The following OR51A4 variants were observed in gnomAD, a reference collection of about 807,000 sequenced individuals.
The protein encoded by OR51A4 is olfactory receptor family 51 subfamily A member 4, also known as olfactory receptor 51A4.
For missense variants in OR51A4, 243 were observed against 364.0 expected, an observed-to-expected ratio of 0.67 and a Z score of 2.70; for synonymous variants, 96 against 141.5, an observed-to-expected ratio of 0.68 and a Z score of 2.28.
At position 4,944,005 on chromosome 11, in the gene OR51A4, A is replaced by T. The variant is rs1846256622; in HGVS notation, c.*2154T>A. On this transcript the variant is annotated 3_prime_UTR_variant, in exon 2 of 2. Coordinates refer to ENST00000641898, the MANE Select transcript of OR51A4 (RefSeq NM_001005329.2). ...ATGAAGTCTTCATATTGGGCTGCCT[A>T]TCCGCACACTGGGAGAATATGAGCT... 2.4e-6 allele frequency: 1 copy of T among 421,064 alleles called. No individual in the cohort carries two copies. The highest frequency in any genetic ancestry group is 1.7e-5 in the South Asian group (1 of 57,178). The allele number at this position is 421,064 out of a possible 1,614,324, so 26.1% of individuals were successfully genotyped here.
Position 4,946,105 on chromosome 11 carries a change from A to G in OR51A4, c.*54T>C. 6.6e-7 allele frequency: 1 copy of G among 1,509,562 alleles called. No individual in the cohort carries two copies. The highest frequency in any genetic ancestry group is 1.2e-5 in the South Asian group (1 of 84,388). 93.5% of individuals were successfully genotyped at this position (1,509,562 alleles called of 1,614,324 possible). A position where few individuals can be genotyped will look rare whatever the true frequency, so the allele number is the denominator to read the frequency against. On this transcript the variant is annotated 3_prime_UTR_variant, in exon 2 of 2. Transcript: ENST00000641898. The stretch of plus-strand genomic sequence containing the variant: ...TGGTGTCAAATATTAGGTTTCTCAA[A>G]TTTACCTTAAATATCTTACCAGACA...
chr11:4,946,874 G>A lies in OR51A4; in HGVS notation c.227C>T (p.Ser76Phe), dbSNP rs750709958. 5 of 1,605,790 alleles carry A rather than the reference G, an allele frequency of 3.1e-6. No individual in the cohort carries two copies. Among genetic ancestry groups the A allele is most frequent in the Non-Finnish European group, 4.3e-6 (5 of 1,175,846 alleles). Residue 76 changes from serine to phenylalanine, a missense_variant, in exon 2 of 2, where the codon TCT becomes TTT. By Grantham distance (155) the Ser-to-Phe change is radical (BLOSUM62 -2). Transcript: ENST00000641898. ...TAACACAGTGGGCAGAGATGATAAAGACAAACCCAAGTCTGACATAGCCAA... is the reference window on the plus strand; with the variant it reads ...TAACACAGTGGGCAGAGATGATAAAAACAAACCCAAGTCTGACATAGCCAA... ...SMLAMSDLGL[S>F]LSSLPTVLSI...
rs934362513 is a variant in OR51A4, at chr11:4,943,167, G to A, written c.*2992C>T. 4 of 190,094 alleles carry A rather than the reference G, an allele frequency of 2.1e-5. No homozygotes were observed. The highest frequency in any genetic ancestry group is 9.9e-5 in the South Asian group (1 of 10,140). 11.8% of individuals were successfully genotyped at this position (190,094 alleles called of 1,614,324 possible). A position where few individuals can be genotyped will look rare whatever the true frequency, so the allele number is the denominator to read the frequency against. ...CACAAACCTCTCACAAATGACCAAT[G>A]TCCAATAGAAAAACAAAATGAAACA... is the stretch of plus-strand genomic sequence containing the variant. On this transcript the variant is annotated 3_prime_UTR_variant, in exon 2 of 2. Transcript: ENST00000641898.
At chr11:4,947,313 A>G (rs888584136) in intron 1 of OR51A4, among the ~76,000 whole-genome samples, 151 bp from the exon 2 acceptor site, 1 of 125,316 alleles carries the variant, frequency 8.0e-6, no homozygotes, top group African/African-American at 2.7e-5. Context: ...TACATTGGAA[A>G]AATTATTTCT....
At position 4,944,259 on chromosome 11, in the gene OR51A4, A is replaced by G. The variant is rs1846260919; in HGVS notation, c.*1900T>C. On this transcript the variant is annotated 3_prime_UTR_variant, in exon 2 of 2. Coordinates refer to ENST00000641898, the MANE Select transcript of OR51A4 (RefSeq NM_001005329.2). ...TAAAAACTAAAATGTATTCAAGATAATACTATCCTGGAGCATCAGAGATTA... is the reference window on the plus strand; with the variant it reads ...TAAAAACTAAAATGTATTCAAGATAGTACTATCCTGGAGCATCAGAGATTA... The G allele has an allele frequency of 3.3e-6, 1 of 307,252 alleles. No individual in the cohort carries two copies. Among genetic ancestry groups the G allele is most frequent in the Non-Finnish European group, 6.3e-6 (1 of 159,052 alleles). 19.0% of individuals were successfully genotyped at this position (307,252 alleles called of 1,614,324 possible).
In OR51A4 at chr11:4,944,726, C is replaced by T. The variant is rs1437372599; in HGVS notation, c.*1433G>A. 6.6e-6 allele frequency: 1 copy of T among 151,266 alleles called. No individual in the cohort carries two copies. Among genetic ancestry groups the T allele is most frequent in the Non-Finnish European group, 1.5e-5 (1 of 67,900 alleles). 9.4% of individuals were successfully genotyped at this position (151,266 alleles called of 1,614,324 possible). On this transcript the variant is annotated 3_prime_UTR_variant, in exon 2 of 2. Transcript: ENST00000641898. ...GGTCATATTAGGAAGGAAAGTTGGACAATTTTTCAGCCACAAATCCAAGGC... is the reference window on the plus strand; with the variant it reads ...GGTCATATTAGGAAGGAAAGTTGGATAATTTTTCAGCCACAAATCCAAGGC...
In OR51A4 at chr11:4,945,280, C is replaced by G. The variant is rs568654584; in HGVS notation, c.*879G>C. The G allele has an allele frequency of 6.6e-6, 1 of 152,186 alleles. No homozygotes were observed. Among genetic ancestry groups the G allele is most frequent in the South Asian group, 2.1e-4 (1 of 4,820 alleles). The allele number at this position is 152,186 out of a possible 1,614,324, so 9.4% of individuals were successfully genotyped here. Reference sequence around the variant, plus strand: ...GAAATGCATTATACAAAATTGGAGTCAAGAGCATTTTAACAAAAGAGATCT... The same window carrying G: ...GAAATGCATTATACAAAATTGGAGTGAAGAGCATTTTAACAAAAGAGATCT... On this transcript the variant is annotated 3_prime_UTR_variant, in exon 2 of 2. Transcript: ENST00000641898.
At position 4,945,841 on chromosome 11, in the gene OR51A4, T is replaced by C. The variant is rs144652889; in HGVS notation, c.*318A>G. 668 of 361,780 alleles carry C rather than the reference T, an allele frequency of 1.8e-3. 2 individuals are homozygous for C. Among genetic ancestry groups the C allele is most frequent in the African/African-American group, 8.7e-3 (416 of 47,770 alleles). The allele number at this position is 361,780 out of a possible 1,614,324, so 22.4% of individuals were successfully genotyped here. On this transcript the variant is annotated 3_prime_UTR_variant, in exon 2 of 2. Coordinates refer to ENST00000641898, the MANE Select transcript of OR51A4 (RefSeq NM_001005329.2). ...AAAGAACTTGGTATAAGAGATTGAA[T>C]GTAGATAATGAGAAATCCAACTTCT...
Position 4,942,851 on chromosome 11 carries a change from C to T in OR51A4, c.*3308G>A, listed in dbSNP as rs1035949870. Reference sequence around the variant, plus strand: ...ATGTATGGGGACTCAAATTCTCAAGCAAGAATAACACATTCAATTAAATGG... The same window carrying T: ...ATGTATGGGGACTCAAATTCTCAAGTAAGAATAACACATTCAATTAAATGG... On this transcript the variant is annotated 3_prime_UTR_variant, in exon 2 of 2. Transcript: ENST00000641898. 1.3e-5 allele frequency: 2 copies of T among 152,108 alleles called. No individual in the cohort carries two copies. Among genetic ancestry groups the T allele is most frequent in the African/African-American group, 4.8e-5 (2 of 41,398 alleles). The allele number at this position is 152,108 out of a possible 1,614,324, so 9.4% of individuals were successfully genotyped here.
rs1846303224 is a variant in OR51A4, at chr11:4,946,325, A to T, written c.776T>A (p.Leu259Gln). The T allele has an allele frequency of 6.2e-7, 1 of 1,613,894 alleles. No homozygotes were observed. Among genetic ancestry groups the T allele is most frequent in the Non-Finnish European group, 8.5e-7 (1 of 1,179,984 alleles). ...VIIFYLPIINLAVVHRFARHV... is the reference protein window; with the variant it reads ...VIIFYLPIINQAVVHRFARHV... ...CCGGGCAAAGCGGTGGACAACGGCC[A>T]GGTTGATGATGGGCAGGTAGAAGAT... Residue 259 changes from leucine (L) to glutamine (Q), a missense_variant, in exon 2 of 2, where the codon CTG (leucine) becomes CAG (glutamine). Coordinates refer to ENST00000641898, the MANE Select transcript of OR51A4 (RefSeq NM_001005329.2).
In OR51A4 at chr11:4,946,432, G is replaced by C. The variant is rs777300381; in HGVS notation, c.669C>G (p.Leu223=). 1 of 1,609,944 alleles carries C rather than the reference G, an allele frequency of 6.2e-7. No individual in the cohort carries two copies. The highest frequency in any genetic ancestry group is 2.2e-5 in the East Asian group (1 of 44,872). The change falls in exon 2 of 2, where the codon CTC becomes CTG. Residue 223 remains leucine, a synonymous_variant. Transcript: ENST00000641898. ...TGGATGCAATTCCCAGTACAGTCTT[G>C]AGGATCAGGGTGTAAGACACAGCAA... is the stretch of plus-strand genomic sequence containing the variant. The part of the protein sequence containing the change: ...ILIAVSYTLI[L]KTVLGIASKK...
Position 4,945,234 on chromosome 11 carries a change from CA to C in OR51A4, c.*924del, listed in dbSNP as rs1269315438. 1.3e-5 allele frequency: 2 copies of C among 151,696 alleles called. No individual in the cohort carries two copies. Among genetic ancestry groups the C allele is most frequent in the Non-Finnish European group, 1.5e-5 (1 of 67,884 alleles). 9.4% of individuals were successfully genotyped at this position (151,696 alleles called of 1,614,324 possible). On this transcript the variant is annotated 3_prime_UTR_variant, in exon 2 of 2. Coordinates refer to ENST00000641898, the MANE Select transcript of OR51A4 (RefSeq NM_001005329.2). ...TAGGTAATCTATGAGGAAATTAAGC[CA>C]AAATTTAAAGAAAAAAATAGAAATG...
At position 4,946,384 on chromosome 11, in the gene OR51A4, G is replaced by C. The variant is rs774481902; in HGVS notation, c.717C>G (p.Leu239=). Residue 239 remains leucine, a synonymous_variant, in exon 2 of 2, where the codon CTC becomes CTG. Coordinates refer to ENST00000641898, the MANE Select transcript of OR51A4 (RefSeq NM_001005329.2). The part of the protein sequence containing the change: ...IASKKEQLKA[L]NTCVSHICAV... ...CACAGATGTGTGAAACACAAGTATTGAGAGCCTTAAGCTGCTCCTTTTTGG... is the reference window on the plus strand; with the variant it reads ...CACAGATGTGTGAAACACAAGTATTCAGAGCCTTAAGCTGCTCCTTTTTGG... 6 of 1,613,468 alleles carry C rather than the reference G, an allele frequency of 3.7e-6. No individual in the cohort carries two copies. The East Asian group carries it at 1.3e-4, about 36-fold the overall frequency.
At position 4,943,968 on chromosome 11, in the gene OR51A4, T is replaced by C; in HGVS notation, c.*2191A>G. 2.4e-6 allele frequency: 1 copy of C among 409,020 alleles called. No homozygotes were observed. Among genetic ancestry groups the C allele is most frequent in the Non-Finnish European group, 4.8e-6 (1 of 206,372 alleles). 25.3% of individuals were successfully genotyped at this position (409,020 alleles called of 1,614,324 possible). ...TAAAGCCACCTAATTACTCCTCATCTTTTTAGTGGAAATGAAGTCTTCATA... is the reference window on the plus strand; with the variant it reads ...TAAAGCCACCTAATTACTCCTCATCCTTTTAGTGGAAATGAAGTCTTCATA... On this transcript the variant is annotated 3_prime_UTR_variant, in exon 2 of 2. Transcript: ENST00000641898.
chr11:4,946,175 C>T lies in OR51A4; in HGVS notation c.926G>A (p.Cys309Tyr). 1 of 1,613,888 alleles carries T rather than the reference C, an allele frequency of 6.2e-7. No homozygotes were observed. ...QIRVRVVAKL[C>Y]QRKI is the part of the protein sequence containing the mutation. ...ATATGACTGTTAAATCTTCCGTTGA[C>T]ACAATTTTGCTACAACTCTCACTCT... The change falls in exon 2 of 2, where the codon TGT becomes TAT. Residue 309 changes from cysteine to tyrosine, a missense_variant. Physicochemically the swap from Cys to Tyr is radical, Grantham distance 194. Transcript: ENST00000641898.
rs1846331975 is a variant in OR51A4 at position 4,947,596 on chromosome 11, A to G, written c.-114T>C. ...TTTTGATAAAAGCTAAATAATTCTG[A>G]TATACAAACCCAAGGTATTGTTGAA... On this transcript the variant is annotated 5_prime_UTR_variant, in exon 1 of 2. Transcript: ENST00000641898. The G allele has an allele frequency of 7.8e-6, 1 of 128,198 alleles. No homozygotes were observed. The highest frequency in any genetic ancestry group is 2.7e-5 in the African/African-American group (1 of 36,918). The allele number at this position is 128,198 out of a possible 1,614,324, so 7.9% of individuals were successfully genotyped here.
rs1275100173 is a variant in OR51A4, at chr11:4,945,352, G to C, written c.*807C>G. ...AAAGAGCTCTGTAAATTCAAAAACT[G>C]TTCAGTAGGTTGATGTGGCTGGAGA... On this transcript the variant is annotated 3_prime_UTR_variant, in exon 2 of 2. Transcript: ENST00000641898. 1 of 152,172 alleles carries C rather than the reference G, an allele frequency of 6.6e-6. No homozygotes were observed. The highest frequency in any genetic ancestry group is 2.4e-5 in the African/African-American group (1 of 41,454). 9.4% of individuals were successfully genotyped at this position (152,172 alleles called of 1,614,324 possible).
In OR51A4 at chr11:4,947,006, G is replaced by A; in HGVS notation, c.95C>T (p.Pro32Leu). The A allele has an allele frequency of 6.3e-7, 1 of 1,588,358 alleles. No homozygotes were observed. The highest frequency in any genetic ancestry group is 8.6e-7 in the Non-Finnish European group (1 of 1,162,488). Residue 32 changes from proline to leucine, a missense_variant, in exon 2 of 2, where the codon CCC becomes CTC. By Grantham distance (98) the Pro-to-Leu change is moderately conservative. Transcript: ENST00000641898. ...AGCAATAAGATACATGCTGCAGATG[G>A]GGATAGAGATCCAGATGTGTGCATA... Reference protein sequence around the residue: ...LEYAHIWISIPICSMYLIAIL... With the variant: ...LEYAHIWISILICSMYLIAIL...
In OR51A4 at chr11:4,946,983, C is replaced by G; in HGVS notation, c.118G>C (p.Ala40Pro). ...SIPICSMYLI[A>P]ILGNGTILFI... ...AGAATGGTGCCATTTCCTAGAATAG[C>G]AATAAGATACATGCTGCAGATGGGG... Residue 40 changes from alanine to proline, a missense_variant, in exon 2 of 2, where the codon GCT becomes CCT. Ala to Pro is a conservative substitution (Grantham distance 27). Transcript: ENST00000641898. The G allele has an allele frequency of 6.3e-7, 1 of 1,595,266 alleles. No homozygotes were observed. The highest frequency in any genetic ancestry group is 8.6e-7 in the Non-Finnish European group (1 of 1,168,064).
Sources: gnomAD v4.1 joint callset for allele counts (sites outside exome capture counted in the v4.1 genomes callset) on GRCh38, gnomAD v4.1.1 for gene constraint, MANE v1.5 for transcripts, NCBI Gene and HGNC (gene_info 2026-07-23, HGNC 2026-07-21) for gene names.